Variants in C1QTNF7 observed in about 807,000 individuals in gnomAD.
C1QTNF7 encodes C1q and TNF related 7.
In C1QTNF7, 15 loss-of-function variants were observed where a neutral mutation model predicts 19.6. The ratio of observed to expected loss-of-function variants is 0.76; its 90% CI spans 0.51 to 1.18. The LOEUF (loss-of-function observed/expected upper bound fraction) is 1.18. Ranked by LOEUF, C1QTNF7 falls within the 50% of genes most tolerant of loss-of-function variation. C1QTNF7 has a pLI of 0.00. For synonymous variants in C1QTNF7, 142 were observed against 137.5 expected, an observed-to-expected ratio of 1.03 and a Z score of -0.23; for missense variants, 324 against 359.7, an observed-to-expected ratio of 0.90 and a Z score of 0.80.
chr4:15,353,861 A>T (rs1380564437), intron 1 of C1QTNF7, among the ~76,000 whole-genome samples: 1 of 152,198 alleles, frequency 6.6e-6, no homozygotes, highest in Non-Finnish European at 1.5e-5. Flanking sequence ...AATGTGTTTA[A>T]ATTAATGAAC....
Position 15,400,610 on chromosome 4 carries a change from C to G in C1QTNF7, c.14-35126C>G, listed in dbSNP as rs576767393. ...CTGGCTGGATGATGAACGGTCTGCT[C>G]TGATCCATACCTTCCAGCCAGACCT... is the stretch of plus-strand genomic sequence containing the variant. On this transcript the variant is annotated intron_variant, in intron 1 of 2. Transcript: ENST00000295297. Among the ~76,000 whole-genome samples the G allele has an allele frequency of 1.4e-4, 21 of 152,244 alleles. No homozygotes were observed. The South Asian group carries it at 3.9e-3, about 29-fold the overall frequency.
intron 1 of C1QTNF7, 46 bp from the exon 2 acceptor site, chr4:15,435,690 C>T (rs754224424): frequency 1.6e-5 from 25 of 1,606,732 alleles, no homozygotes; most frequent in Non-Finnish European, 2.0e-5. Flanking sequence ...AACCACACCC[C>T]TCCCAACACA....
chr4:15,363,031 T>C (rs1717396776), intron 1 of C1QTNF7, among the ~76,000 whole-genome samples: 1 of 152,216 alleles, frequency 6.6e-6, no homozygotes, highest in East Asian at 1.9e-4. Flanking sequence ...CTGGGTTCCC[T>C]GCCTTGAAAT....
At chr4:15,392,767 G>T (rs1444046204) in intron 1 of C1QTNF7, among the ~76,000 whole-genome samples, 2 of 152,134 alleles carry the variant, frequency 1.3e-5, no homozygotes, top group Non-Finnish European at 1.5e-5. Context: ...CAATAATTAT[G>T]ATATAGAAAG....
At chr4:15,393,061 G>A (rs1481230154) in intron 1 of C1QTNF7, among the ~76,000 whole-genome samples, 2 of 152,158 alleles carry the variant, frequency 1.3e-5, no homozygotes, top group African/African-American at 2.4e-5. Flanking sequence ...TGAATCATGG[G>A]GGTGGTTCCC....
intron 1 of C1QTNF7, among the ~76,000 whole-genome samples, chr4:15,381,246 T>C (rs978571095): frequency 1.3e-5 from 2 of 151,002 alleles, no homozygotes; most frequent in African/African-American, 2.4e-5. Context: ...TGAAACCCTG[T>C]CTCTACCAAA....
intron 1 of C1QTNF7, among the ~76,000 whole-genome samples, chr4:15,402,691 C>G (rs1316378498): frequency 6.6e-6 from 1 of 152,130 alleles, no homozygotes; most frequent in African/African-American, 2.4e-5. Context: ...AGCAAAATGA[C>G]ACTAAATTCT....
At chr4:15,342,017 A>G (rs1314919254) in intron 1 of C1QTNF7, among the ~76,000 whole-genome samples, 3 of 152,214 alleles carry the variant, frequency 2.0e-5, no homozygotes, top group Admixed American at 1.3e-4. Context: ...GACAAAAACA[A>G]AAAGGCTATT....
In C1QTNF7 at chr4:15,347,268, C is replaced by G. The variant is rs142464634; in HGVS notation, c.13+7061C>G. Among the ~76,000 whole-genome samples the G allele has an allele frequency of 2.0e-5, 3 of 152,334 alleles. No homozygotes were observed. The East Asian group carries it at 5.8e-4, about 29-fold the overall frequency. On this transcript the variant is annotated intron_variant, in intron 1 of 2. Transcript: ENST00000295297. Reference sequence around the variant, plus strand: ...TGCCAGCAGCAGCAAAACACTCATACTTCATAAGGCCGCTCCTTCCATTAA... The same window carrying G: ...TGCCAGCAGCAGCAAAACACTCATAGTTCATAAGGCCGCTCCTTCCATTAA...
chr4:15,365,750 G>C (rs1349598706), intron 1 of C1QTNF7, among the ~76,000 whole-genome samples: 4 of 152,062 alleles, frequency 2.6e-5, no homozygotes, highest in African/African-American at 9.7e-5. Context: ...GTCATACATG[G>C]TGGAGAAGAT....
chr4:15,412,932 C>T (rs1021156986), intron 1 of C1QTNF7, among the ~76,000 whole-genome samples: 11 of 152,208 alleles, frequency 7.2e-5, no homozygotes, highest in African/African-American at 2.7e-4. Context: ...AGACTGTTCA[C>T]CTAACCCATT....
intron 1 of C1QTNF7, among the ~76,000 whole-genome samples, chr4:15,355,601 G>A (rs888481436): frequency 3.3e-5 from 5 of 151,842 alleles, no homozygotes; most frequent in African/African-American, 9.7e-5. Context: ...AAAAAAAAAT[G>A]TGGATTACAA....
chr4:15,410,765 C>T (rs969973573), intron 1 of C1QTNF7, among the ~76,000 whole-genome samples: 3 of 152,128 alleles, frequency 2.0e-5, no homozygotes, highest in African/African-American at 7.2e-5. Context: ...CAGGATTTCA[C>T]GTGAATATGC....
chr4:15,402,476 G>T (rs142229601), intron 1 of C1QTNF7, among the ~76,000 whole-genome samples: 5 of 152,172 alleles, frequency 3.3e-5, no homozygotes, highest in African/African-American at 1.2e-4. Flanking sequence ...TTACAAAACC[G>T]AATCAAGACT....
intron 1 of C1QTNF7, among the ~76,000 whole-genome samples, chr4:15,366,153 G>A (rs1483135240): frequency 6.6e-6 from 1 of 152,190 alleles, no homozygotes; most frequent in Non-Finnish European, 1.5e-5. Context: ...CTCACTCAAA[G>A]ATAAGATGAA....
At chr4:15,410,326 A>G (rs1440963030) in intron 1 of C1QTNF7, among the ~76,000 whole-genome samples, 1 of 152,248 alleles carries the variant, frequency 6.6e-6, no homozygotes, top group Non-Finnish European at 1.5e-5. Flanking sequence ...CCACTTTCAC[A>G]ATGGATACCA....
Position 15,390,870 on chromosome 4 carries a change from C to A in C1QTNF7, c.14-44866C>A, listed in dbSNP as rs148806046. ...AATGAATTGACGATGGGCACCTAAT[C>A]AGTGCCAGCTTGCTCATGAAAACAG... On this transcript the variant is annotated intron_variant, in intron 1 of 2. Coordinates refer to the C1QTNF7 transcript ENST00000295297. Among the ~76,000 whole-genome samples the A allele has an allele frequency of 2.4e-3, 360 of 152,206 alleles. 1 individual carries two copies. The highest frequency in any genetic ancestry group is 4.3e-3 in the Non-Finnish European group (293 of 68,016).
rs561733334 is a variant in C1QTNF7, at chr4:15,344,427, G to A, written c.13+4220G>A. On this transcript the variant is annotated intron_variant, in intron 1 of 2. Coordinates refer to the C1QTNF7 transcript ENST00000295297. Reference sequence around the variant, plus strand: ...CTCACACAGCTGTTAAGGAGTGGAGGTGCACATTTGACCCAATTAACATCA... The same window carrying A: ...CTCACACAGCTGTTAAGGAGTGGAGATGCACATTTGACCCAATTAACATCA... Among the ~76,000 whole-genome samples the A allele has an allele frequency of 1.6e-4, 24 of 152,262 alleles. No homozygotes were observed. The South Asian group carries it at 4.2e-3, about 26-fold the overall frequency.
At chr4:15,426,869 T>C (rs1712076006), upstream of C1QTNF7, among the ~76,000 whole-genome samples, 1 of 152,226 alleles carries the variant, frequency 6.6e-6, no homozygotes, top group Non-Finnish European at 1.5e-5. Flanking sequence ...GGTTCGAGAA[T>C]ATTAAGAACT....
Sources: gnomAD v4.1 joint callset for allele counts (sites outside exome capture counted in the v4.1 genomes callset) on GRCh38, gnomAD v4.1.1 for gene constraint, MANE v1.5 for transcripts, NCBI Gene and HGNC (gene_info 2026-07-23, HGNC 2026-07-21) for gene names.